The following CDKL1 variants were observed in gnomAD, a reference collection of about 807,000 sequenced individuals.
CDKL1 encodes the protein cyclin-dependent kinase-like 1.
In CDKL1, 41 loss-of-function variants were observed where a neutral mutation model predicts 42.0. The observed-to-expected ratio is 0.98, with a 90% CI of 0.76 to 1.27. The LOEUF (loss-of-function observed/expected upper bound fraction) is 1.27. Ranked by LOEUF, CDKL1 falls within the 50% of genes most tolerant of loss-of-function variation. The pLI, the probability that CDKL1 is intolerant of heterozygous loss-of-function variation, is 0.00. For missense variants in CDKL1, 394 were observed against 428.4 expected, an observed-to-expected ratio of 0.92 and a Z score of 0.71; for synonymous variants, 153 against 158.6, an observed-to-expected ratio of 0.96 and a Z score of 0.26.
At chr14:50,346,741 C>T (rs1657982931) in intron 3 of CDKL1, among the ~76,000 whole-genome samples, 1 of 150,622 alleles carries the variant, frequency 6.6e-6, no homozygotes, top group South Asian at 2.1e-4. Context: ...AACTCTGCCT[C>T]CCAGGTTCAA....
rs1379484175 is a variant in CDKL1 at position 50,358,634 on chromosome 14, G to GTTTTTTTTTT, written c.290+393_290+394insAAAAAAAAAA. ...TACAAACACTGGCTGTTTTTAACTA[G>GTTTTTTTTTT]TCTTTTTTTTTTTTTTTTTTTTTGA... is the stretch of plus-strand genomic sequence containing the variant. On this transcript the variant is annotated intron_variant, in intron 3 of 9. Coordinates refer to ENST00000395834, the MANE Select transcript of CDKL1 (RefSeq NM_004196.7). Among the ~76,000 whole-genome samples, 275 of 44,920 alleles carry GTTTTTTTTTT rather than the reference G, an allele frequency of 6.1e-3. 1 individual carries two copies. The highest frequency in any genetic ancestry group is 8.5e-3 in the African/African-American group (78 of 9,220). 29.5% of individuals were successfully genotyped at this position (44,920 alleles called of 152,430 possible).
At chr14:50,335,988 T>TC in intron 7 of CDKL1, 2 of 1,366,916 alleles carry the variant, frequency 1.5e-6, no homozygotes, top group Non-Finnish European at 2.0e-6. Context: ...CCCTCATACT[T>TC]CCACTCATGC....
chr14:50,384,380 A>C (rs150760382), intron 2 of CDKL1, among the ~76,000 whole-genome samples: 1 of 152,362 alleles, frequency 6.6e-6, no homozygotes, highest in Non-Finnish European at 1.5e-5. Flanking sequence ...TTTAAGGTCA[A>C]GAGATCTCAT....
chr14:50,347,816 A>G (rs1470773759), intron 3 of CDKL1, among the ~76,000 whole-genome samples: 1 of 152,194 alleles, frequency 6.6e-6, no homozygotes, highest in African/African-American at 2.4e-5. Flanking sequence ...GGAGCTCGGA[A>G]GGAAGCTGTG....
intron 4 of CDKL1, 57 bp from the exon 5 acceptor site, chr14:50,342,279 A>G: frequency 6.5e-7 from 1 of 1,533,122 alleles, no homozygotes; most frequent in East Asian, 2.3e-5. Context: ...TATGGGATAA[A>G]TGAAACACAT....
chr14:50,358,950 T>C (rs967541687), intron 3 of CDKL1, 78 bp downstream of exon 3: 1 of 1,474,394 alleles, frequency 6.8e-7, no homozygotes, highest in Non-Finnish European at 9.4e-7. Context: ...TTACCTAGTC[T>C]TAAAAAGAGT....
intron 2 of CDKL1, among the ~76,000 whole-genome samples, chr14:50,391,475 C>T (rs560789445): frequency 3.9e-5 from 6 of 152,224 alleles, no homozygotes; most frequent in East Asian, 1.9e-4. Context: ...CTCTGCCTCC[C>T]GGGTTCAAGC....
Position 50,341,119 on chromosome 14 carries a change from A to G in CDKL1, c.568T>C (p.Cys190Arg). ...GPPVDVWAIG[C>R]VFAELLSGVP... ...CCTGACAGCAGCTCAGCAAAGACAC[A>G]GCCAATTGCCCAAACATCCACCGGG... Residue 190 changes from cysteine (C) to arginine (R), a missense_variant, in exon 6 of 10, where the codon TGT becomes CGT. By Grantham distance (180) the Cys-to-Arg change is radical. Transcript: ENST00000395834. The G allele has an allele frequency of 6.2e-7, 1 of 1,614,182 alleles. No individual in the cohort carries two copies. Among genetic ancestry groups the G allele is most frequent in the Non-Finnish European group, 8.5e-7 (1 of 1,180,030 alleles).
At chr14:50,374,863 T>C (rs1286945268) in intron 2 of CDKL1, among the ~76,000 whole-genome samples, 1 of 152,090 alleles carries the variant, frequency 6.6e-6, no homozygotes, top group Admixed American at 6.6e-5. Flanking sequence ...CAGGGATCCA[T>C]GGAGAAATAC....
At position 50,329,244 on chromosome 14, in the gene CDKL1, A is replaced by C. The variant is rs1005019234; in HGVS notation, c.*830T>G. 1.3e-5 allele frequency: 2 copies of C among 152,112 alleles called. No individual in the cohort carries two copies. The highest frequency in any genetic ancestry group is 4.8e-5 in the African/African-American group (2 of 41,422). The allele number at this position is 152,112 out of a possible 1,614,324, so 9.4% of individuals were successfully genotyped here. A position where few individuals can be genotyped will look rare whatever the true frequency, so the allele number is the denominator to read the frequency against. On this transcript the variant is annotated 3_prime_UTR_variant, in exon 10 of 10. Coordinates refer to ENST00000395834, the MANE Select transcript of CDKL1 (RefSeq NM_004196.7). ...CCAGGTCAAAGGCTGTGCCAGAGAG[A>C]ATGAAATACTAATTATTTTCAGGCT...
chr14:50,352,986 C>G (rs1443763656), intron 3 of CDKL1, among the ~76,000 whole-genome samples: 1 of 152,218 alleles, frequency 6.6e-6, no homozygotes. Flanking sequence ...TTTGACTCTT[C>G]ATTGCTGTTA....
chr14:50,382,188 G>C (rs960761046), intron 2 of CDKL1, among the ~76,000 whole-genome samples: 29 of 152,182 alleles, frequency 1.9e-4, no homozygotes, highest in Admixed American at 1.8e-3. Flanking sequence ...CGCGGTGGCT[G>C]ACGCCTGTAA....
chr14:50,346,993 T>C (rs929987314), intron 3 of CDKL1, among the ~76,000 whole-genome samples: 3 of 152,242 alleles, frequency 2.0e-5, no homozygotes, highest in Non-Finnish European at 4.4e-5. Flanking sequence ...CAGGCAACTT[T>C]AGTTCCTACA....
chr14:50,343,630 T>C (rs1389667379), intron 4 of CDKL1, among the ~76,000 whole-genome samples: 6 of 152,160 alleles, frequency 3.9e-5, no homozygotes, highest in African/African-American at 1.2e-4. Flanking sequence ...GGGAATTCTT[T>C]ACAAGTTTCT....
rs1376008404 is a variant in CDKL1 at position 50,327,500 on chromosome 14, C to G, written c.*2574G>C. 3 of 117,296 alleles carry G rather than the reference C, an allele frequency of 2.6e-5. No homozygotes were observed. Among genetic ancestry groups the G allele is most frequent in the Non-Finnish European group, 4.9e-5 (3 of 61,296 alleles). The allele number at this position is 117,296 out of a possible 1,614,324, so 7.3% of individuals were successfully genotyped here. On this transcript the variant is annotated 3_prime_UTR_variant, in exon 10 of 10. Transcript: ENST00000395834. ...TTTTTTTTTGAGACAGACTCTCACTCTGTTGCCCAGGTTGGAGTGCAGTGG... is the reference window on the plus strand; with the variant it reads ...TTTTTTTTTGAGACAGACTCTCACTGTGTTGCCCAGGTTGGAGTGCAGTGG...
chr14:50,329,970 T>A lies in CDKL1; in HGVS notation c.*104A>T. On this transcript the variant is annotated 3_prime_UTR_variant, in exon 10 of 10. Coordinates refer to ENST00000395834, the MANE Select transcript of CDKL1 (RefSeq NM_004196.7). ...CCAGTTTCTTGCTTATGTTTTCTCC[T>A]GGTGTGTTTTCAACATTGTAATTGT... 2 of 1,355,734 alleles carry A rather than the reference T, an allele frequency of 1.5e-6. No individual in the cohort carries two copies. The highest frequency in any genetic ancestry group is 2.0e-6 in the Non-Finnish European group (2 of 1,020,946). The allele number at this position is 1,355,734 out of a possible 1,614,324, so 84.0% of individuals were successfully genotyped here.
upstream of CDKL1, chr14:50,397,072 T>G (rs751854800): frequency 1.6e-5 from 21 of 1,338,368 alleles, no homozygotes; most frequent in East Asian, 4.9e-5. Context: ...GGCCGAGTCC[T>G]GCTGCCGGGA....
At chr14:50,332,901 T>TA in intron 8 of CDKL1, 5 of 348,014 alleles carry the variant, frequency 1.4e-5, no homozygotes, top group East Asian at 4.6e-5. Context: ...TAAAATCAGC[T>TA]ACTTTTTTTT....
chr14:50,368,173 C>T (rs1054063276), intron 2 of CDKL1, among the ~76,000 whole-genome samples: 23 of 152,198 alleles, frequency 1.5e-4, no homozygotes, highest in African/African-American at 4.8e-4. Context: ...TTGCCCTGTC[C>T]GATCTTGAAA....
Sources: gnomAD v4.1 joint callset for allele counts (sites outside exome capture counted in the v4.1 genomes callset) on GRCh38, gnomAD v4.1.1 for gene constraint, MANE v1.5 for transcripts, NCBI Gene and HGNC (gene_info 2026-07-23, HGNC 2026-07-21) for gene names.